The following CDK14 variants were observed in gnomAD, a reference collection of about 807,000 sequenced individuals.
The protein encoded by CDK14 is cyclin-dependent kinase 14.
CDK14 carries 34 observed loss-of-function variants against 60.7 expected under a neutral mutation model. The observed-to-expected ratio is 0.56, with a 90% CI of 0.43 to 0.75. The LOEUF is 0.75. Among genes scored for constraint, CDK14 ranks in the 30% least tolerant of loss-of-function variants. CDK14 has a pLI of 0.00. For synonymous variants in CDK14, 197 were observed against 203.7 expected (o/e 0.97, Z 0.28); for missense variants, 482 against 564.1 (o/e 0.85, Z 1.47).
intron 5 of CDK14, among the ~76,000 whole-genome samples, chr7:90,793,291 C>T (rs1049166118): frequency 3.9e-5 from 6 of 152,092 alleles, no homozygotes; most frequent in East Asian, 3.8e-4. Context: ...GGAGGTAGAA[C>T]ATATAAATCA....
chr7:91,173,652 A>G (rs1443320714), intron 14 of CDK14, among the ~76,000 whole-genome samples: 2 of 152,220 alleles, frequency 1.3e-5, no homozygotes, highest in African/African-American at 2.4e-5. Context: ...GGGAAGCACA[A>G]GGGGTCAGGG....
chr7:91,137,256 A>G (rs951482913), intron 14 of CDK14, among the ~76,000 whole-genome samples: 1 of 152,164 alleles, frequency 6.6e-6, no homozygotes, highest in Non-Finnish European at 1.5e-5. Context: ...TGTGAGAAGC[A>G]TGTCTGAATT....
intron 10 of CDK14, among the ~76,000 whole-genome samples, chr7:91,040,431 A>G (rs1797056877): frequency 1.3e-5 from 2 of 152,216 alleles, no homozygotes; most frequent in Admixed American, 1.3e-4. Context: ...AAAATCTTCC[A>G]GATCCGAAAG....
At chr7:90,838,652 G>A (rs1355389746) in intron 5 of CDK14, among the ~76,000 whole-genome samples, 1 of 152,150 alleles carries the variant, frequency 6.6e-6, no homozygotes, top group East Asian at 1.9e-4. Flanking sequence ...GGGAGTGTCT[G>A]TCTTATGCAG....
At chr7:90,975,935 A>G (rs1019343579) in intron 9 of CDK14, among the ~76,000 whole-genome samples, 9 of 152,154 alleles carry the variant, frequency 5.9e-5, no homozygotes, top group Admixed American at 3.9e-4. Flanking sequence ...TCATCCATTC[A>G]TCTGTTGTTG....
In CDK14 at chr7:91,062,021, G is replaced by T. The variant is rs188826320; in HGVS notation, c.1105+16061G>T. ...AGGTGGAGACTACAGAGGCAGGCAG[G>T]CCTCCTTGAGCTGCGATGGGCTCCA... On this transcript the variant is annotated intron_variant, in intron 11 of 14. Transcript: ENST00000380050. 1.8e-4 allele frequency among the ~76,000 whole-genome samples: 27 copies of T among 152,348 alleles called. No homozygotes were observed. In the East Asian group the frequency reaches 5.2e-3, roughly 29 times the overall value.
At chr7:90,944,300 A>T (rs1794030953) in intron 8 of CDK14, among the ~76,000 whole-genome samples, 1 of 152,228 alleles carries the variant, frequency 6.6e-6, no homozygotes, top group Non-Finnish European at 1.5e-5. Flanking sequence ...CTGGGATGAC[A>T]CACAAGTGCG....
intron 2 of CDK14, among the ~76,000 whole-genome samples, chr7:90,618,451 G>A (rs1799697768): frequency 6.6e-6 from 1 of 151,754 alleles, no homozygotes; most frequent in East Asian, 1.9e-4. Flanking sequence ...AAAACACCTT[G>A]CTTTTGGTGG....
chr7:91,189,866 G>C (rs1802305454), intron 14 of CDK14, among the ~76,000 whole-genome samples: 1 of 152,158 alleles, frequency 6.6e-6, no homozygotes, highest in African/African-American at 2.4e-5. Flanking sequence ...AAGAGTATGG[G>C]TTTTGGAGTA....
At chr7:91,057,040 T>C (rs1188856559) in intron 11 of CDK14, among the ~76,000 whole-genome samples, 1 of 152,118 alleles carries the variant, frequency 6.6e-6, no homozygotes, top group African/African-American at 2.4e-5. Context: ...GTAAAAGTGT[T>C]CCTATTTCTC....
chr7:90,908,879 G>T (rs1792800855), intron 7 of CDK14, among the ~76,000 whole-genome samples: 1 of 152,044 alleles, frequency 6.6e-6, no homozygotes, highest in Non-Finnish European at 1.5e-5. Flanking sequence ...TTGTTTTTGT[G>T]ATTTACTCCA....
chr7:91,122,706 T>C (rs1214536837), intron 14 of CDK14, among the ~76,000 whole-genome samples: 1 of 152,226 alleles, frequency 6.6e-6, no homozygotes, highest in Non-Finnish European at 1.5e-5. Flanking sequence ...TTCTGCTTAT[T>C]ATCATTTCTC....
intron 14 of CDK14, among the ~76,000 whole-genome samples, chr7:91,139,082 G>A (rs1477791354): frequency 6.6e-6 from 1 of 152,084 alleles, no homozygotes; most frequent in Admixed American, 6.5e-5. Flanking sequence ...ATCCAAATTC[G>A]AGTGCCTCCA....
chr7:90,828,365 C>T (rs1173533550), intron 5 of CDK14, among the ~76,000 whole-genome samples: 4 of 152,180 alleles, frequency 2.6e-5, no homozygotes, highest in African/African-American at 4.8e-5. Flanking sequence ...GTATCACAAT[C>T]GGAGGATTCT....
chr7:90,758,872 A>G (rs958127893), intron 4 of CDK14, among the ~76,000 whole-genome samples: 4 of 152,170 alleles, frequency 2.6e-5, no homozygotes, highest in Non-Finnish European at 5.9e-5. Context: ...CCTGGCCAAC[A>G]TGGTGAAAGC....
intron 9 of CDK14, among the ~76,000 whole-genome samples, chr7:90,971,672 G>T (rs1006957599): frequency 7.5e-5 from 10 of 132,890 alleles, no homozygotes; most frequent in Middle Eastern, 4.2e-3. Flanking sequence ...AAAAAAAAAA[G>T]GCAAAAGATT....
chr7:90,744,616 T>C (rs1436419716), intron 3 of CDK14, among the ~76,000 whole-genome samples: 6 of 141,084 alleles, frequency 4.3e-5, no homozygotes, highest in African/African-American at 1.1e-4. Context: ...ACCTCCCGGA[T>C]GGGGCGGCTG....
chr7:90,629,190 A>G (rs2116395658), intron 2 of CDK14, among the ~76,000 whole-genome samples: 1 of 152,334 alleles, frequency 6.6e-6, no homozygotes. Context: ...GCAAAATTAT[A>G]CAGCTGCCAA....
intron 4 of CDK14, among the ~76,000 whole-genome samples, chr7:90,780,644 C>CA (rs1377390170): frequency 4.3e-5 from 6 of 141,076 alleles, no homozygotes; most frequent in African/African-American, 1.6e-4. Flanking sequence ...TCTCATTGTT[C>CA]AATACGGTGT....
Sources: gnomAD v4.1 joint callset for allele counts (sites outside exome capture counted in the v4.1 genomes callset) on GRCh38, gnomAD v4.1.1 for gene constraint, MANE v1.5 for transcripts, NCBI Gene and HGNC (gene_info 2026-07-23, HGNC 2026-07-21) for gene names.